Variants in GUCA1C observed in about 807,000 individuals in gnomAD.
GUCA1C encodes the protein guanylate cyclase activator 1C, also known as guanylyl cyclase-activating protein 3.
A neutral mutation model predicts 16.2 loss-of-function variants in GUCA1C; 15 were observed. The ratio of observed to expected loss-of-function variants is 0.93; its 90% CI spans 0.62 to 1.43. The LOEUF (loss-of-function observed/expected upper bound fraction) is 1.43. GUCA1C is among the 40% of genes most tolerant of loss of function. The probability of loss-of-function intolerance (pLI) is 0.00; values close to 1 mark genes in which losing one functional copy is unlikely to be tolerated. For missense variants in GUCA1C, 275 were observed against 244.8 expected, an observed-to-expected ratio of 1.12 and a Z score of -0.82; for synonymous variants, 78 against 85.4, an observed-to-expected ratio of 0.91 and a Z score of 0.48.
chr3:108,924,982 G>A (rs1191593736), intron 1 of GUCA1C, among the ~76,000 whole-genome samples: 1 of 151,716 alleles, frequency 6.6e-6, no homozygotes, highest in Non-Finnish European at 1.5e-5. Flanking sequence ...AATATCTCCT[G>A]TTTCATTTCT....
At chr3:108,947,745 C>T (rs1175168628) in intron 1 of GUCA1C, among the ~76,000 whole-genome samples, 1 of 152,024 alleles carries the variant, frequency 6.6e-6, no homozygotes, top group Non-Finnish European at 1.5e-5. Context: ...ATTGCTGAAG[C>T]TGGGTGATGG....
chr3:108,932,342 A>G (rs796756579), intron 1 of GUCA1C, among the ~76,000 whole-genome samples: 1 of 31,866 alleles, frequency 3.1e-5, no homozygotes. Flanking sequence ...AAAAAAAACA[A>G]AAAAAAAAAA....
chr3:108,908,501 G>T (rs1375995569), intron 3 of GUCA1C, among the ~76,000 whole-genome samples: 1 of 152,116 alleles, frequency 6.6e-6, no homozygotes, highest in Non-Finnish European at 1.5e-5. Context: ...GCACAGTATT[G>T]GTTTTTGGAC....
At chr3:108,926,464 T>A (rs1946623775) in intron 1 of GUCA1C, among the ~76,000 whole-genome samples, 1 of 152,192 alleles carries the variant, frequency 6.6e-6, no homozygotes, top group South Asian at 2.1e-4. Flanking sequence ...TTCTATTGAT[T>A]GTGCTATTTG....
At position 108,920,534 on chromosome 3, in the gene GUCA1C, G is replaced by T. The variant is rs1235947140; in HGVS notation, c.256C>A (p.Gln86Lys). ...TTTAATTTTTGCTCCATTTTTTCTTGCATGATTAGATTTACAGCAGCAATA... is the reference window on the plus strand; with the variant it reads ...TTTAATTTTTGCTCCATTTTTTCTTTCATGATTAGATTTACAGCAGCAATA... ...EFIAAVNLIMQEKMEQKLKWY... is the reference protein window; with the variant it reads ...EFIAAVNLIMKEKMEQKLKWY... The change falls in exon 2 of 4, where the codon CAA becomes AAA. Residue 86 changes from glutamine to lysine, a missense_variant. By Grantham distance (53) the Gln-to-Lys change is moderately conservative. Transcript: ENST00000261047. 4 of 1,581,438 alleles carry T rather than the reference G, an allele frequency of 2.5e-6. No homozygotes were observed. In the Admixed American group the frequency reaches 6.7e-5, roughly 26 times the overall value.
At chr3:108,938,002 G>A (rs1211466469) in intron 1 of GUCA1C, among the ~76,000 whole-genome samples, 7 of 151,912 alleles carry the variant, frequency 4.6e-5, no homozygotes, top group Non-Finnish European at 8.8e-5. Flanking sequence ...CCCGGGAGGC[G>A]GAGGTTGCAG....
chr3:108,939,755 A>C (rs1029469770), intron 1 of GUCA1C, among the ~76,000 whole-genome samples: 4 of 151,896 alleles, frequency 2.6e-5, no homozygotes, highest in African/African-American at 9.7e-5. Context: ...ACGGCCCCTT[A>C]GTTTTCTGTC....
In GUCA1C at chr3:108,917,328, AC is replaced by A. The variant is rs202102838; in HGVS notation, c.355-1115del. 7.4e-3 allele frequency among the ~76,000 whole-genome samples: 1,124 copies of A among 152,332 alleles called. 12 individuals carry two copies. Among genetic ancestry groups the A allele is most frequent in the African/African-American group, 0.024 (989 of 41,574 alleles). On this transcript the variant is annotated intron_variant, in intron 2 of 3. Coordinates refer to ENST00000261047, the MANE Select transcript of GUCA1C (RefSeq NM_005459.4). ...ATTGTGAGATCTTGATTTGTTCATC[AC>A]CAATCTTCAGGTCATATAAGTGAAA...
intron 1 of GUCA1C, among the ~76,000 whole-genome samples, chr3:108,952,119 C>T (rs1439491615): frequency 6.6e-6 from 1 of 152,184 alleles, no homozygotes; most frequent in Non-Finnish European, 1.5e-5. Flanking sequence ...TCTAGAGCAA[C>T]AGACTTTCAT....
chr3:108,918,786 A>AT (rs898423091), intron 2 of GUCA1C, among the ~76,000 whole-genome samples: 3 of 151,822 alleles, frequency 2.0e-5, no homozygotes, highest in East Asian at 1.9e-4. Flanking sequence ...TACCTTGCTG[A>AT]TTTTTTTCAC....
chr3:108,941,441 T>C (rs1264351810), intron 1 of GUCA1C, among the ~76,000 whole-genome samples: 1 of 152,174 alleles, frequency 6.6e-6, no homozygotes, highest in Non-Finnish European at 1.5e-5. Flanking sequence ...AGAGAAACCA[T>C]TTTACCTCCC....
chr3:108,908,322 C>T (rs1946412187), intron 3 of GUCA1C, 113 bp from the exon 4 acceptor site: 1 of 479,248 alleles, frequency 2.1e-6, no homozygotes, highest in African/African-American at 2.1e-5. Flanking sequence ...TCCCCTCAAC[C>T]AGACTCTAAG....
chr3:108,942,420 C>T (rs1036706079), intron 1 of GUCA1C, among the ~76,000 whole-genome samples: 1 of 152,182 alleles, frequency 6.6e-6, no homozygotes, highest in African/African-American at 2.4e-5. Flanking sequence ...CCTGCTTATA[C>T]TGTCTTGCTT....
chr3:108,919,046 C>G (rs185035276), intron 2 of GUCA1C, among the ~76,000 whole-genome samples: 1 of 152,062 alleles, frequency 6.6e-6, no homozygotes, highest in Admixed American at 6.5e-5. Flanking sequence ...CCACATTTCC[C>G]GGAATGTTTT....
At chr3:108,909,882 T>G (rs915659802) in intron 3 of GUCA1C, among the ~76,000 whole-genome samples, 1 of 152,196 alleles carries the variant, frequency 6.6e-6, no homozygotes, top group Non-Finnish European at 1.5e-5. Context: ...CTAAACTACT[T>G]CTTTTGAAAT....
chr3:108,916,087 T>G (rs1394466690), intron 3 of GUCA1C, 40 bp downstream of exon 3: 1 of 1,609,604 alleles, frequency 6.2e-7, no homozygotes, highest in South Asian at 1.1e-5. Context: ...CATCTCCTAC[T>G]TTGTAGGAAA....
intron 3 of GUCA1C, among the ~76,000 whole-genome samples, chr3:108,912,931 T>C (rs1237332199): frequency 2.6e-5 from 4 of 152,154 alleles, no homozygotes; most frequent in African/African-American, 9.7e-5. Flanking sequence ...TAGCTCTTCA[T>C]CTTGTTATAA....
chr3:108,909,537 C>G (rs1389083667), intron 3 of GUCA1C, among the ~76,000 whole-genome samples: 2 of 152,140 alleles, frequency 1.3e-5, no homozygotes, highest in Non-Finnish European at 2.9e-5. Context: ...TCAAATTTAT[C>G]GGGGCTCAGC....
intron 1 of GUCA1C, among the ~76,000 whole-genome samples, chr3:108,922,188 CACACACACACACACATAT>C (rs1363371107): frequency 7.9e-4 from 32 of 40,676 alleles, no homozygotes; most frequent in African/African-American, 9.6e-4. Context: ...CACACACACA[CACACACACACACACATAT>C]ATATATGGAT....
Sources: gnomAD v4.1 joint callset for allele counts (sites outside exome capture counted in the v4.1 genomes callset) on GRCh38, gnomAD v4.1.1 for gene constraint, MANE v1.5 for transcripts, NCBI Gene and HGNC (gene_info 2026-07-23, HGNC 2026-07-21) for gene names.